The following LEMD1 variants were observed in gnomAD, a reference collection of about 807,000 sequenced individuals.
LEMD1 encodes LEM domain containing 1.
LEMD1 carries 18 observed loss-of-function variants against 17.4 expected under a neutral mutation model. The observed-to-expected ratio is 1.04, with a 90% CI of 0.72 to 1.54. LEMD1 has a LOEUF of 1.54. Among genes scored for constraint, LEMD1 ranks in the 40% most tolerant of loss-of-function variants. The probability of loss-of-function intolerance (pLI) is 0.00; values close to 1 mark genes in which losing one functional copy is unlikely to be tolerated. For synonymous variants in LEMD1, 88 were observed against 77.8 expected (o/e 1.13, Z -0.69); for missense variants, 195 against 210.4 (o/e 0.93, Z 0.45).
At chr1:205,396,421 G>T (rs1664594058) in intron 4 of LEMD1, among the ~76,000 whole-genome samples, 1 of 152,002 alleles carries the variant, frequency 6.6e-6, no homozygotes, top group African/African-American at 2.4e-5. Context: ...CTTCCATTCA[G>T]CAGTCCTACT....
intron 1 of LEMD1, among the ~76,000 whole-genome samples, chr1:205,427,215 C>T (rs1347171977): frequency 6.6e-6 from 1 of 151,862 alleles, no homozygotes; most frequent in Non-Finnish European, 1.5e-5. Flanking sequence ...TGAGTTAACA[C>T]ATCTCAGGAG....
intron 1 of LEMD1, among the ~76,000 whole-genome samples, chr1:205,433,257 G>A (rs534495500): frequency 2.6e-4 from 39 of 152,256 alleles, no homozygotes; most frequent in African/African-American, 8.9e-4. Context: ...AGGTGTTCGA[G>A]ACCAGCCTGA....
intron 4 of LEMD1, among the ~76,000 whole-genome samples, chr1:205,390,347 T>C (rs1431682658): frequency 1.3e-5 from 2 of 148,662 alleles, no homozygotes; most frequent in Non-Finnish European, 3.0e-5. Flanking sequence ...AGAGCTACAC[T>C]CTCTCTCTAA....
chr1:205,405,203 G>T (rs1003475581), intron 4 of LEMD1, among the ~76,000 whole-genome samples: 13 of 151,648 alleles, frequency 8.6e-5, no homozygotes, highest in Non-Finnish European at 7.4e-5. Context: ...TTCTCGAGGA[G>T]TATCTTTGTG....
At chr1:205,394,616 C>G (rs975808114) in intron 4 of LEMD1, among the ~76,000 whole-genome samples, 1 of 152,140 alleles carries the variant, frequency 6.6e-6, no homozygotes, top group African/African-American at 2.4e-5. Flanking sequence ...AACTTCTGAC[C>G]TCAGGTGATC....
At chr1:205,416,469 C>T (rs372303228) in intron 3 of LEMD1, among the ~76,000 whole-genome samples, 173 bp from the exon 4 acceptor site, 5 of 152,150 alleles carry the variant, frequency 3.3e-5, no homozygotes. Context: ...GCTGGAGCAG[C>T]CTTTGTGAAA....
At chr1:205,393,366 T>A (rs980686479) in intron 4 of LEMD1, among the ~76,000 whole-genome samples, 1 of 103,726 alleles carries the variant, frequency 9.6e-6, no homozygotes, top group Non-Finnish European at 1.9e-5. Flanking sequence ...TTATACCCAG[T>A]AGAATGGCTA....
chr1:205,431,407 C>T (rs1414935992), intron 1 of LEMD1, among the ~76,000 whole-genome samples: 1 of 152,214 alleles, frequency 6.6e-6, no homozygotes, highest in African/African-American at 2.4e-5. Context: ...GCTAGGTAAG[C>T]ACTTGAGCAC....
intron 1 of LEMD1, among the ~76,000 whole-genome samples, chr1:205,421,139 T>G (rs773167438): frequency 1.3e-5 from 2 of 152,110 alleles, no homozygotes; most frequent in African/African-American, 4.8e-5. Flanking sequence ...ATTGCTGAAT[T>G]GGCATTTGAA....
intron 3 of LEMD1, among the ~76,000 whole-genome samples, chr1:205,418,029 G>T (rs770698277): frequency 8.6e-5 from 13 of 152,030 alleles, no homozygotes; most frequent in Admixed American, 2.0e-4. Flanking sequence ...TGGACACAGA[G>T]TGGTGACAAA....
At chr1:205,398,989 T>G (rs1045103278) in intron 4 of LEMD1, among the ~76,000 whole-genome samples, 2 of 151,988 alleles carry the variant, frequency 1.3e-5, no homozygotes, top group African/African-American at 4.8e-5. Context: ...CCAAGGCGGG[T>G]GGATCACCTG....
chr1:205,417,739 G>T (rs1665759412), intron 3 of LEMD1, among the ~76,000 whole-genome samples: 1 of 151,714 alleles, frequency 6.6e-6, no homozygotes, highest in African/African-American at 2.4e-5. Flanking sequence ...CGGGATTACA[G>T]GATTTTTCAG....
chr1:205,415,867 G>A (rs938283464), intron 4 of LEMD1, among the ~76,000 whole-genome samples: 4 of 152,158 alleles, frequency 2.6e-5, no homozygotes, highest in Admixed American at 6.5e-5. Flanking sequence ...CTAGAAAAGC[G>A]AACGGGATGG....
At chr1:205,398,010 A>G (rs2102375763) in intron 4 of LEMD1, among the ~76,000 whole-genome samples, 1 of 152,306 alleles carries the variant, frequency 6.6e-6, no homozygotes, top group East Asian at 1.9e-4. Flanking sequence ...GTTCTATTAC[A>G]CAGAAAAGAA....
At chr1:205,437,889 C>T (rs1021016281) in intron 1 of LEMD1, 3 of 152,230 alleles carry the variant, frequency 2.0e-5, no homozygotes, top group Non-Finnish European at 2.9e-5. Context: ...CACTCTAACA[C>T]TTCATGTGTA....
Position 205,420,442 on chromosome 1 carries a change from A to G in LEMD1, c.82+13T>C. 3 of 1,600,502 alleles carry G rather than the reference A, an allele frequency of 1.9e-6. No homozygotes were observed. Among genetic ancestry groups the G allele is most frequent in the Non-Finnish European group, 2.6e-6 (3 of 1,167,772 alleles). On this transcript the variant is annotated intron_variant, in intron 2 of 5. Coordinates refer to ENST00000367153, the MANE Select transcript of LEMD1 (RefSeq NM_001199050.2). ...ATGACAAGTCTGTAATATTTGCTGC[A>G]TACTGTACATACGTAGTATTGGGCC...
In LEMD1 at chr1:205,441,226, T is replaced by C. The variant is rs1421311285; in HGVS notation, c.-39+8642A>G. 2.0e-5 allele frequency among the ~76,000 whole-genome samples: 3 copies of C among 152,120 alleles called. No individual in the cohort carries two copies. Among genetic ancestry groups the C allele is most frequent in the African/African-American group, 7.2e-5 (3 of 41,422 alleles). On this transcript the variant is annotated intron_variant, in intron 1 of 3. Coordinates refer to the LEMD1 transcript ENST00000367154. This position sits in a 1 kb window ranked among gnomAD's most constrained non-coding sequence, Gnocchi z 4.3. ...CACCGGCTGGGGGAGGAGTCAAGCC[T>C]CTAAACAACAGCTCTTTGAAACCTC...
At chr1:205,438,186 G>A (rs1009717420) in intron 1 of LEMD1, among the ~76,000 whole-genome samples, 12 of 152,286 alleles carry the variant, frequency 7.9e-5, no homozygotes, top group African/African-American at 2.4e-4. Context: ...GGAAGTCCTC[G>A]CTTTACAGAT....
chr1:205,445,191 T>C (rs1666363210), intron 1 of LEMD1, among the ~76,000 whole-genome samples: 1 of 151,956 alleles, frequency 6.6e-6, no homozygotes, highest in African/African-American at 2.4e-5. Context: ...ACCTCCTCCC[T>C]CTCCCTCTCC....
Sources: gnomAD v4.1 joint callset for allele counts (sites outside exome capture counted in the v4.1 genomes callset) on GRCh38, gnomAD v4.1.1 for gene constraint, Gnocchi (gnomAD v3.1) non-coding constraint, MANE v1.5 for transcripts, NCBI Gene and HGNC (gene_info 2026-07-23, HGNC 2026-07-21) for gene names.